The following ATXN7L1 variants were observed in gnomAD, a reference collection of about 807,000 sequenced individuals.
ATXN7L1 encodes the protein ataxin 7 like 1.
In ATXN7L1, 15 loss-of-function variants were observed where a neutral mutation model predicts 70.8. The observed-to-expected ratio is 0.21, with a 90% CI of 0.14 to 0.33. The LOEUF (loss-of-function observed/expected upper bound fraction) is 0.33, where lower values mean the gene tolerates loss of function less well. Ranked by LOEUF, ATXN7L1 falls within the 10% of genes least tolerant of loss-of-function variation. ATXN7L1 has a pLI of 1.00. For missense variants in ATXN7L1, 975 were observed against 1,097.1 expected (o/e 0.89, Z 1.57); for synonymous variants, 440 against 445.1 (o/e 0.99, Z 0.14).
At chr7:105,861,200 G>C (rs951468646) in intron 2 of ATXN7L1, among the ~76,000 whole-genome samples, 2 of 152,180 alleles carry the variant, frequency 1.3e-5, no homozygotes, top group African/African-American at 4.8e-5. Context: ...CAGGCCACCT[G>C]TCCGGATAGG....
intron 2 of ATXN7L1, among the ~76,000 whole-genome samples, chr7:105,856,942 A>G (rs1815828984): frequency 6.6e-6 from 1 of 152,202 alleles, no homozygotes; most frequent in Non-Finnish European, 1.5e-5. Context: ...CTCTACTTCA[A>G]AAAAAGACGG....
At chr7:105,663,472 A>C (rs1802027492) in intron 4 of ATXN7L1, among the ~76,000 whole-genome samples, 1 of 152,232 alleles carries the variant, frequency 6.6e-6, no homozygotes, top group African/African-American at 2.4e-5. Flanking sequence ...CCTAGGTACG[A>C]ACTTAAGTGC....
At chr7:105,704,783 G>T (rs376809183) in intron 3 of ATXN7L1, among the ~76,000 whole-genome samples, 1 of 151,402 alleles carries the variant, frequency 6.6e-6, no homozygotes, top group Non-Finnish European at 1.5e-5. Context: ...GCTAATTTTT[G>T]TATTTTTAGT....
chr7:105,869,488 A>G (rs532255810), intron 2 of ATXN7L1, among the ~76,000 whole-genome samples: 9 of 152,280 alleles, frequency 5.9e-5, no homozygotes, highest in African/African-American at 1.9e-4. Flanking sequence ...ATTCTTAACC[A>G]GGTCAGTTGC....
intron 3 of ATXN7L1, among the ~76,000 whole-genome samples, chr7:105,691,823 C>T (rs1247989115): frequency 6.6e-6 from 1 of 152,146 alleles, no homozygotes. Flanking sequence ...GCAGTCAATA[C>T]CAGCTATCCG....
chr7:105,834,090 T>C (rs1480634853), intron 2 of ATXN7L1, among the ~76,000 whole-genome samples: 1 of 152,244 alleles, frequency 6.6e-6, no homozygotes, highest in Non-Finnish European at 1.5e-5. Flanking sequence ...TTGCCCAGGC[T>C]GGAGTGCAGT....
chr7:105,674,437 AG>A (rs770377828), intron 3 of ATXN7L1, among the ~76,000 whole-genome samples: 1 of 152,224 alleles, frequency 6.6e-6, no homozygotes, highest in East Asian at 1.9e-4. Flanking sequence ...TGATACCGTT[AG>A]TTGCCTTGTT....
chr7:105,675,899 T>G (rs1168998196), intron 3 of ATXN7L1, among the ~76,000 whole-genome samples: 1 of 147,794 alleles, frequency 6.8e-6, no homozygotes, highest in South Asian at 2.2e-4. Context: ...TTTTTTTTTT[T>G]TCTTAGCATT....
rs146562313 is a variant in ATXN7L1 at position 105,697,672 on chromosome 7, G to T, written c.356-32384C>A. Among the ~76,000 whole-genome samples, 475 of 152,298 alleles carry T rather than the reference G, an allele frequency of 3.1e-3. 1 individual carries two copies. Among genetic ancestry groups the T allele is most frequent in the South Asian group, 7.9e-3 (38 of 4,820 alleles). On this transcript the variant is annotated intron_variant, in intron 3 of 11. Coordinates refer to ENST00000419735, the MANE Select transcript of ATXN7L1 (RefSeq NM_020725.2). ...AAAGACAGGCATAGGAAATCACAAG[G>T]GTATTGATTGGGGAAGTGATAAGTG...
At chr7:105,758,204 G>T (rs556035359) in intron 3 of ATXN7L1, among the ~76,000 whole-genome samples, 1 of 152,276 alleles carries the variant, frequency 6.6e-6, no homozygotes, top group African/African-American at 2.4e-5. Context: ...ATATGTGAAG[G>T]GGGAAGCAGA....
At chr7:105,844,057 G>C (rs749234422) in intron 2 of ATXN7L1, among the ~76,000 whole-genome samples, 2 of 152,158 alleles carry the variant, frequency 1.3e-5, no homozygotes, top group Non-Finnish European at 2.9e-5. Flanking sequence ...GAGGGATGTT[G>C]ACTGGAGGGC....
chr7:105,733,841 C>CCCAT (rs74665862), intron 3 of ATXN7L1, among the ~76,000 whole-genome samples: 12,210 of 52,774 alleles, frequency 0.23, 2,599 homozygotes, highest in Non-Finnish European at 0.32. Context: ...CATCCGTCCA[C>CCCAT]CCATCCATCC....
At chr7:105,741,870 C>T (rs953213954) in intron 3 of ATXN7L1, among the ~76,000 whole-genome samples, 2 of 152,164 alleles carry the variant, frequency 1.3e-5, no homozygotes, top group African/African-American at 2.4e-5. Flanking sequence ...GAGGCATCTA[C>T]AAGCCAAGGA....
chr7:105,662,079 CTTCTTTCTTTTCTT>C (rs1801773868), intron 4 of ATXN7L1, among the ~76,000 whole-genome samples: 1 of 73,020 alleles, frequency 1.4e-5, no homozygotes, highest in African/African-American at 4.0e-5. Context: ...TCCTTCCTTC[CTTCTTTCTTTTCTT>C]TTCTTTTCTT....
chr7:105,628,315 T>A (rs997491175), intron 7 of ATXN7L1, among the ~76,000 whole-genome samples: 2 of 152,144 alleles, frequency 1.3e-5, no homozygotes, highest in African/African-American at 4.8e-5. Context: ...TACTATTCTC[T>A]CTACTTTTCT....
intron 2 of ATXN7L1, among the ~76,000 whole-genome samples, chr7:105,794,120 T>C (rs1216591093): frequency 2.6e-5 from 4 of 152,180 alleles, no homozygotes; most frequent in Non-Finnish European, 5.9e-5. Context: ...AAAATGCTCA[T>C]TCAGCTCCCT....
chr7:105,607,781 C>T lies in ATXN7L1; in HGVS notation c.*71G>A. 2 of 1,415,242 alleles carry T rather than the reference C, an allele frequency of 1.4e-6. No homozygotes were observed. Among genetic ancestry groups the T allele is most frequent in the Middle Eastern group, 1.8e-4 (1 of 5,548 alleles). The allele number at this position is 1,415,242 out of a possible 1,614,324, so 87.7% of individuals were successfully genotyped here. ...TCCCCCCAGCCCACTCCCCTCCCTC[C>T]TCCTCCCCATGGCCTCCTCGGATGG... On this transcript the variant is annotated 3_prime_UTR_variant, in exon 12 of 12. Transcript: ENST00000419735.
chr7:105,668,394 C>A (rs967700073), intron 3 of ATXN7L1, among the ~76,000 whole-genome samples: 2 of 152,088 alleles, frequency 1.3e-5, no homozygotes, highest in African/African-American at 4.8e-5. Context: ...CCACCATACC[C>A]GGCTAATTAA....
intron 3 of ATXN7L1, among the ~76,000 whole-genome samples, chr7:105,757,168 T>A (rs990112838): frequency 1.3e-5 from 2 of 152,188 alleles, no homozygotes; most frequent in African/African-American, 4.8e-5. Context: ...CTATTCTTAT[T>A]TCTTTCCTTG....
Sources: gnomAD v4.1 joint callset for allele counts (sites outside exome capture counted in the v4.1 genomes callset) on GRCh38, gnomAD v4.1.1 for gene constraint, MANE v1.5 for transcripts, NCBI Gene and HGNC (gene_info 2026-07-23, HGNC 2026-07-21) for gene names.